The following COL5A1 variants were observed in gnomAD, a reference collection of about 807,000 sequenced individuals.
The protein encoded by COL5A1 is collagen alpha-1(V) chain.
COL5A1 carries 16 observed loss-of-function variants against 263.7 expected under a neutral mutation model. That is an observed-to-expected ratio of 0.06 (90% CI 0.04 to 0.09). COL5A1 has a LOEUF of 0.09. Among genes scored for constraint, COL5A1 ranks in the 10% least tolerant of loss-of-function variants. The pLI is 1.00. For synonymous variants in COL5A1, 1,012 were observed against 1,004.5 expected (o/e 1.01, Z -0.14); for missense variants, 2,036 against 2,540.5 (o/e 0.80, Z 4.27).
rs147235808 is a variant in COL5A1 at position 134,652,020 on chromosome 9, C to G, written c.109+9724C>G. 2.6e-5 allele frequency among the ~76,000 whole-genome samples: 4 copies of G among 152,220 alleles called. No homozygotes were observed. The highest frequency in any genetic ancestry group is 7.2e-5 in the African/African-American group (3 of 41,526). ...CTTTCTAAGGAGGGATGGTGACTCCCAGAGGTATTAAGGAAAGGAGAAAGT... is the reference window on the plus strand; with the variant it reads ...CTTTCTAAGGAGGGATGGTGACTCCGAGAGGTATTAAGGAAAGGAGAAAGT... On this transcript the variant is annotated intron_variant, in intron 1 of 65. Coordinates refer to ENST00000371817, the MANE Select transcript of COL5A1 (RefSeq NM_000093.5). The surrounding 1 kb of genome is among the most constrained non-coding windows in gnomAD (Gnocchi z 4.4).
Position 134,642,740 on chromosome 9 carries a change from G to T in COL5A1, c.109+444G>T, listed in dbSNP as rs1034861871. ...GCCCTTCAAATCCCGGGACTCCTGG[G>T]GATGGGGGGAATCCCAGAAGCCTGG... On this transcript the variant is annotated intron_variant, in intron 1 of 65. Coordinates refer to ENST00000371817, the MANE Select transcript of COL5A1 (RefSeq NM_000093.5). The surrounding 1 kb of genome is among the most constrained non-coding windows in gnomAD (Gnocchi z 4.5). 6.6e-6 allele frequency among the ~76,000 whole-genome samples: 1 copy of T among 152,232 alleles called. No individual in the cohort carries two copies. The highest frequency in any genetic ancestry group is 1.5e-5 in the Non-Finnish European group (1 of 68,036).
rs2132864295 is a variant in COL5A1 at position 134,818,743 on chromosome 9, C to T, written c.4318C>T (p.Arg1440Ter). The change falls in exon 55 of 66, where the codon CGA becomes TGA. Residue 1440 changes from arginine to a stop codon, truncating the protein, a stop_gained. Coordinates refer to ENST00000371817, the MANE Select transcript of COL5A1 (RefSeq NM_000093.5). LOFTEE classifies it high-confidence loss of function. This position sits in a 1 kb window ranked among gnomAD's most constrained non-coding sequence, Gnocchi z 6.0. ...TGGGAAGCCCGGACCGGATGGCCTT[C>T]GAGGGATCCCTGGCCCTGTGGTGAG... ...APGKPGPDGL[R>*]GIPGPVGEQG... 1 of 1,611,992 alleles carries T rather than the reference C, an allele frequency of 6.2e-7. No individual in the cohort carries two copies. Among genetic ancestry groups the T allele is most frequent in the Non-Finnish European group, 8.5e-7 (1 of 1,179,510 alleles).
Position 134,677,285 on chromosome 9 carries a change from G to C in COL5A1, c.110-13627G>C, listed in dbSNP as rs570213529. On this transcript the variant is annotated intron_variant, in intron 1 of 65. Coordinates refer to ENST00000371817, the MANE Select transcript of COL5A1 (RefSeq NM_000093.5). This position sits in a 1 kb window ranked among gnomAD's most constrained non-coding sequence, Gnocchi z 4.4. ...CAGCTACCAGTCATGGCTTCTCGGG[G>C]AAGGCAGGCCCTGGTATTACACCTC... Among the ~76,000 whole-genome samples the C allele has an allele frequency of 6.6e-6, 1 of 152,270 alleles. No homozygotes were observed. Among genetic ancestry groups the C allele is most frequent in the East Asian group, 1.9e-4 (1 of 5,184 alleles).
intron 31 of COL5A1, 78 bp downstream of exon 31, chr9:134,786,126 G>C (rs149234919): frequency 7.6e-6 from 10 of 1,320,702 alleles, no homozygotes; most frequent in Non-Finnish European, 1.1e-5. Context: ...GCATCCGGCC[G>C]TGTTAGGTGT....
In COL5A1 at chr9:134,809,342, G is replaced by T. The variant is rs374423806; in HGVS notation, c.3474+52G>T. On this transcript the variant is annotated intron_variant, in intron 43 of 65. Coordinates refer to ENST00000371817, the MANE Select transcript of COL5A1 (RefSeq NM_000093.5). Reference sequence around the variant, plus strand: ...GCTGGGCCTGGCTGGGCAGACGGGTGTGGGGGAGGGTGGTGAATTTAAAGG... The same window carrying T: ...GCTGGGCCTGGCTGGGCAGACGGGTTTGGGGGAGGGTGGTGAATTTAAAGG... The T allele has an allele frequency of 5.7e-5, 78 of 1,363,956 alleles. No homozygotes were observed. The African/African-American group carries it at 1.1e-3, about 18-fold the overall frequency. The allele number at this position is 1,363,956 out of a possible 1,614,324, so 84.5% of individuals were successfully genotyped here. A position where few individuals can be genotyped will look rare whatever the true frequency, so the allele number is the denominator to read the frequency against.
chr9:134,656,233 G>A (rs1229365736), intron 1 of COL5A1, among the ~76,000 whole-genome samples: 2 of 152,104 alleles, frequency 1.3e-5, no homozygotes, highest in Non-Finnish European at 2.9e-5. Context: ...CCAGTTGAGG[G>A]TACTTTGGGA....
chr9:134,813,921 C>T (rs1838636920), intron 48 of COL5A1, 62 bp from the exon 49 acceptor site: 6 of 1,530,930 alleles, frequency 3.9e-6, no homozygotes, highest in Non-Finnish European at 5.3e-6. Context: ...ATGCTTGAAA[C>T]CGTAGCACTG....
chr9:134,831,315 A>G (rs1839613208), intron 64 of COL5A1, among the ~76,000 whole-genome samples: 1 of 152,144 alleles, frequency 6.6e-6, no homozygotes, highest in African/African-American at 2.4e-5. Context: ...TCCTTTGCAG[A>G]CACTCCGAGG....
intron 1 of COL5A1, chr9:134,649,278 AG>A (rs1375869972): frequency 2.4e-5 from 8 of 338,978 alleles, no homozygotes; most frequent in Non-Finnish European, 2.9e-5. Context: ...CTATCAGCAG[AG>A]GAGTTTTTCT....
At chr9:134,783,069 G>A (rs2132766965) in intron 29 of COL5A1, among the ~76,000 whole-genome samples, 1 of 152,356 alleles carries the variant, frequency 6.6e-6, no homozygotes, top group African/African-American at 2.4e-5. Context: ...GATAAGCGGT[G>A]CCTGGGAAGA....
intron 14 of COL5A1, 39 bp downstream of exon 14, chr9:134,752,684 G>C: frequency 6.6e-7 from 1 of 1,520,968 alleles, no homozygotes; most frequent in Non-Finnish European, 9.1e-7. Flanking sequence ...GCGTGGTGTG[G>C]GGATTGGCCC....
chr9:134,704,793 CT>C (rs72014908), intron 4 of COL5A1, among the ~76,000 whole-genome samples: 13 of 116,822 alleles, frequency 1.1e-4, no homozygotes, highest in Admixed American at 2.2e-4. Flanking sequence ...AGCATCTTTT[CT>C]TTTTTTTTTT....
At chr9:134,811,935 T>C (rs1326217085) in intron 46 of COL5A1, among the ~76,000 whole-genome samples, 3 of 152,206 alleles carry the variant, frequency 2.0e-5, no homozygotes, top group Admixed American at 2.0e-4. Flanking sequence ...CTTTTAAATG[T>C]GTGTATTCTC....
At position 134,677,678 on chromosome 9, in the gene COL5A1, C is replaced by A. The variant is rs1220605164; in HGVS notation, c.110-13234C>A. Among the ~76,000 whole-genome samples, 3 of 152,234 alleles carry A rather than the reference C, an allele frequency of 2.0e-5. No homozygotes were observed. Among genetic ancestry groups the A allele is most frequent in the Admixed American group, 1.3e-4 (2 of 15,292 alleles). ...CCTTTTCCATCCTGTAGTGAGCCATCTGTCTATATCCATCCCTCCATCCTT... is the reference window on the plus strand; with the variant it reads ...CCTTTTCCATCCTGTAGTGAGCCATATGTCTATATCCATCCCTCCATCCTT... On this transcript the variant is annotated intron_variant, in intron 1 of 65. Transcript: ENST00000371817. This position sits in a 1 kb window ranked among gnomAD's most constrained non-coding sequence, Gnocchi z 4.4.
In COL5A1 at chr9:134,842,529, A is replaced by G. The variant is rs1588622123; in HGVS notation, c.*226A>G. The G allele has an allele frequency of 1.6e-6, 1 of 616,028 alleles. No individual in the cohort carries two copies. Among genetic ancestry groups the G allele is most frequent in the Non-Finnish European group, 2.9e-6 (1 of 349,188 alleles). 38.2% of individuals were successfully genotyped at this position (616,028 alleles called of 1,614,324 possible). A position where few individuals can be genotyped will look rare whatever the true frequency, so the allele number is the denominator to read the frequency against. Reference sequence around the variant, plus strand: ...GAGCTGAATCACATGACCTAGCTGCACCCCAGCGCCTGGGCCCGCCCCACG... The same window carrying G: ...GAGCTGAATCACATGACCTAGCTGCGCCCCAGCGCCTGGGCCCGCCCCACG... On this transcript the variant is annotated 3_prime_UTR_variant, in exon 66 of 66. Transcript: ENST00000371817. This position sits in a 1 kb window ranked among gnomAD's most constrained non-coding sequence, Gnocchi z 5.8.
At chr9:134,708,380 C>A in intron 4 of COL5A1, 1 of 358,366 alleles carries the variant, frequency 2.8e-6, no homozygotes, top group East Asian at 7.4e-5. Context: ...CTGCTGCTGC[C>A]TGGCCAGTGC....
intron 39 of COL5A1, 104 bp from the exon 40 acceptor site, chr9:134,804,871 G>T (rs1309005175): frequency 3.1e-6 from 3 of 981,014 alleles, no homozygotes; most frequent in African/African-American, 3.2e-5. Flanking sequence ...GGTCTGCGTT[G>T]CTGGCTCCAA....
chr9:134,664,441 C>G (rs1832298678), intron 1 of COL5A1, among the ~76,000 whole-genome samples: 1 of 152,210 alleles, frequency 6.6e-6, no homozygotes, highest in African/African-American at 2.4e-5. Context: ...AGAATCTACA[C>G]CTATCTGACG....
chr9:134,709,791 C>A (rs542995651), intron 4 of COL5A1, among the ~76,000 whole-genome samples: 1 of 152,198 alleles, frequency 6.6e-6, no homozygotes. Flanking sequence ...GCTGGGCTGA[C>A]GGCGGATGTT....
Sources: allele counts gnomAD v4.1 joint callset (sites outside exome capture counted in the v4.1 genomes callset), GRCh38; gene constraint gnomAD v4.1.1; non-coding constraint Gnocchi (gnomAD v3.1); transcripts MANE v1.5; gene names NCBI Gene and HGNC (gene_info 2026-07-23, HGNC 2026-07-21).